Variants in ANKRD31 observed in about 807,000 individuals in gnomAD.
ANKRD31 encodes the protein ankyrin repeat domain-containing protein 31.
Under a neutral mutation model 186.0 loss-of-function variants are expected in ANKRD31, and 147 were observed. The ratio of observed to expected loss-of-function variants is 0.79; its 90% CI spans 0.69 to 0.91. The LOEUF is 0.91. ANKRD31 is among the 40% of genes least tolerant of loss of function. The pLI, the probability that ANKRD31 is intolerant of heterozygous loss-of-function variation, is 0.00. For synonymous variants in ANKRD31, 673 were observed against 736.4 expected (o/e 0.91, Z 1.39); for missense variants, 1,986 against 2,148.8 (o/e 0.92, Z 1.50).
intron 22 of ANKRD31, among the ~76,000 whole-genome samples, chr5:75,098,324 G>GT (rs1321533111): frequency 6.6e-6 from 1 of 152,126 alleles, no homozygotes; most frequent in Non-Finnish European, 1.5e-5. Context: ...TGCTGTTTTG[G>GT]TTACTGTAGC....
chr5:75,210,331 G>A (rs542428734), intron 4 of ANKRD31, among the ~76,000 whole-genome samples: 3 of 152,158 alleles, frequency 2.0e-5, no homozygotes, highest in South Asian at 2.1e-4. Context: ...CCACCAACAC[G>A]CCCGGCTAAT....
intron 4 of ANKRD31, among the ~76,000 whole-genome samples, chr5:75,206,775 C>T (rs1232004225): frequency 6.6e-6 from 1 of 151,968 alleles, no homozygotes; most frequent in African/African-American, 2.4e-5. Flanking sequence ...TGACTGTTTG[C>T]CAAATAGGGG....
In ANKRD31 at chr5:75,146,509, C is replaced by G. The variant is rs758455197; in HGVS notation, c.2902G>C (p.Glu968Gln). ...TAAGAAAAATTAACAGCTTCCTGTT[C>G]TGGAAGTGTGGTTAGGCTGACTGCT... ...LKAVSLTTLPEQEAVNFSYSD... is the reference protein window; with the variant it reads ...LKAVSLTTLPQQEAVNFSYSD... The change falls in exon 14 of 26, where the codon GAA (glutamate) becomes CAA (glutamine). Residue 968 changes from glutamate (E) to glutamine (Q), a missense_variant. By Grantham distance (29) the Glu-to-Gln change is conservative. Transcript: ENST00000506364. The G allele has an allele frequency of 6.5e-7, 1 of 1,536,504 alleles. No individual in the cohort carries two copies. The highest frequency in any genetic ancestry group is 1.2e-5 in the South Asian group (1 of 84,024).
At position 75,091,450 on chromosome 5, in the gene ANKRD31, T is replaced by A. The variant is rs1025130711; in HGVS notation, c.5332-49A>T. 9.3e-6 allele frequency: 14 copies of A among 1,502,328 alleles called. No homozygotes were observed. The African/African-American group carries it at 1.5e-4, about 17-fold the overall frequency. The allele number at this position is 1,502,328 out of a possible 1,614,324, so 93.1% of individuals were successfully genotyped here. ...ATTAAGGTCAAAAATAGCTGAAATA[T>A]GTGAATTTTTGCTTCTGGCCATGAC... is the stretch of plus-strand genomic sequence containing the variant. On this transcript the variant is annotated intron_variant, in intron 22 of 25. Transcript: ENST00000506364.
At chr5:75,071,025 GTTCCAAAACTGTA>G (rs754022681) in intron 25 of ANKRD31, among the ~76,000 whole-genome samples, 1 of 152,164 alleles carries the variant, frequency 6.6e-6, no homozygotes, top group Non-Finnish European at 1.5e-5. Context: ...TCAAAATTCT[GTTCCAAAACTGTA>G]TTCCTTAGTT....
intron 11 of ANKRD31, among the ~76,000 whole-genome samples, chr5:75,161,214 G>A (rs1363661620): frequency 6.6e-6 from 1 of 152,168 alleles, no homozygotes; most frequent in East Asian, 1.9e-4. Context: ...TGACCAAAAT[G>A]CTGATAATGA....
intron 1 of ANKRD31, among the ~76,000 whole-genome samples, chr5:75,231,906 AACACACACAC>A (rs56755264): frequency 0.14 from 20,444 of 144,640 alleles, 1,481 homozygotes; most frequent in Middle Eastern, 0.25. Flanking sequence ...ACTGTCTCAA[AACACACACAC>A]ACACACACAC....
intron 24 of ANKRD31, among the ~76,000 whole-genome samples, chr5:75,081,762 G>C (rs960393948): frequency 4.0e-5 from 6 of 151,062 alleles, no homozygotes; most frequent in Non-Finnish European, 8.9e-5. Context: ...CGGGGGCGGA[G>C]AGAGAGAGAG....
In ANKRD31 at chr5:75,188,212, T is replaced by C. The variant is rs1031942177; in HGVS notation, c.1564+281A>G. On this transcript the variant is annotated intron_variant, in intron 10 of 25. Transcript: ENST00000506364. ...CTGAGTCTCATAGTAACAATGACCA[T>C]GCAAAGCCAGCCCCAGGTACCTTCT... 4.6e-5 allele frequency among the ~76,000 whole-genome samples: 7 copies of C among 152,286 alleles called. No homozygotes were observed. In the East Asian group the frequency reaches 7.7e-4, roughly 17 times the overall value.
Position 75,087,878 on chromosome 5 carries a change from G to A in ANKRD31, c.5472+3383C>T, listed in dbSNP as rs148865431. The stretch of plus-strand genomic sequence containing the variant: ...TGATGCAGGTAAAGCTCACCTTCAT[G>A]GTACCAACCTCCCCATTCCAGACTC... On this transcript the variant is annotated intron_variant, in intron 23 of 25. Transcript: ENST00000506364. 7.2e-5 allele frequency among the ~76,000 whole-genome samples: 11 copies of A among 152,236 alleles called. No individual in the cohort carries two copies. In the East Asian group the frequency reaches 2.1e-3, roughly 29 times the overall value.
rs767819219 is a variant in ANKRD31 at position 75,101,567 on chromosome 5, A to G, written c.5331+2661T>C. Among the ~76,000 whole-genome samples the G allele has an allele frequency of 4.7e-4, 72 of 152,162 alleles. 1 individual carries two copies. The highest frequency in any genetic ancestry group is 1.9e-4 in the East Asian group (1 of 5,192). On this transcript the variant is annotated intron_variant, in intron 22 of 25. Transcript: ENST00000506364. ...CCTCCCGTCACTTTCAGATACACCA[A>G]TTAGATGCAGATTTGGTCTTTTCAT...
chr5:75,154,356 G>A lies in ANKRD31; in HGVS notation c.1708-11C>T. ...AAGTAACTCTGCCACCTAGAAAAAG[G>A]TTATTTATGTAAGGGAACCCAGATT... is the stretch of plus-strand genomic sequence containing the variant. On this transcript the variant is annotated splice_polypyrimidine_tract_variant and intron_variant, in intron 11 of 25. Coordinates refer to ENST00000506364, the MANE Select transcript of ANKRD31 (RefSeq NM_001372053.1). 1 of 1,524,498 alleles carries A rather than the reference G, an allele frequency of 6.6e-7. No homozygotes were observed. The highest frequency in any genetic ancestry group is 8.8e-7 in the Non-Finnish European group (1 of 1,141,250). 94.4% of individuals were successfully genotyped at this position (1,524,498 alleles called of 1,614,324 possible).
chr5:75,165,859 T>C (rs1464597619), intron 11 of ANKRD31, among the ~76,000 whole-genome samples: 1 of 152,166 alleles, frequency 6.6e-6, no homozygotes, highest in African/African-American at 2.4e-5. Flanking sequence ...ACACATATGA[T>C]GTATGAGGCT....
Position 75,088,838 on chromosome 5 carries a change from A to G in ANKRD31, c.5472+2423T>C, listed in dbSNP as rs910414300. Reference sequence around the variant, plus strand: ...GTTGCGTAAAACTGCTTTATAAATCAAACAGTGCTATTCAAGCTCCACAAT... The same window carrying G: ...GTTGCGTAAAACTGCTTTATAAATCGAACAGTGCTATTCAAGCTCCACAAT... On this transcript the variant is annotated intron_variant, in intron 23 of 25. Coordinates refer to ENST00000506364, the MANE Select transcript of ANKRD31 (RefSeq NM_001372053.1). Among the ~76,000 whole-genome samples the G allele has an allele frequency of 1.3e-5, 2 of 152,206 alleles. 1 individual carries two copies. The highest frequency in any genetic ancestry group is 3.8e-4 in the East Asian group (2 of 5,198).
At chr5:75,175,334 A>T (rs1167748206) in intron 10 of ANKRD31, among the ~76,000 whole-genome samples, 3 of 152,178 alleles carry the variant, frequency 2.0e-5, no homozygotes, top group African/African-American at 7.2e-5. Flanking sequence ...TACCTATGTA[A>T]CAAACCTGCA....
intron 11 of ANKRD31, among the ~76,000 whole-genome samples, chr5:75,160,871 C>T (rs1479236700): frequency 6.6e-6 from 1 of 152,168 alleles, no homozygotes; most frequent in Non-Finnish European, 1.5e-5. Context: ...TCTTGGTTCT[C>T]ATTCTCTCTC....
At chr5:75,212,531 C>T (rs1756719268) in intron 3 of ANKRD31, among the ~76,000 whole-genome samples, 1 of 152,186 alleles carries the variant, frequency 6.6e-6, no homozygotes, top group African/African-American at 2.4e-5. Context: ...ACCTAGGAGG[C>T]TGAGGTGGGA....
chr5:75,187,110 T>TTG (rs57013241), intron 10 of ANKRD31, among the ~76,000 whole-genome samples: 6,566 of 116,148 alleles, frequency 0.057, 212 homozygotes, highest in African/African-American at 0.07. Flanking sequence ...TGATTCTGTT[T>TTG]TGTGTGTGTG....
At chr5:75,158,570 G>A (rs1418388205) in intron 11 of ANKRD31, among the ~76,000 whole-genome samples, 5 of 152,126 alleles carry the variant, frequency 3.3e-5, no homozygotes, top group African/African-American at 7.2e-5. Context: ...GAGGCCAGCA[G>A]TTCTAAACCA....
Sources: gnomAD v4.1 joint callset for allele counts (sites outside exome capture counted in the v4.1 genomes callset) on GRCh38, gnomAD v4.1.1 for gene constraint, MANE v1.5 for transcripts, NCBI Gene and HGNC (gene_info 2026-07-23, HGNC 2026-07-21) for gene names.